The following RAB3GAP1 variants were observed in gnomAD, a reference collection of about 807,000 sequenced individuals.
RAB3GAP1 encodes rab3 GTPase-activating protein catalytic subunit.
Under a neutral mutation model 130.7 loss-of-function variants are expected in RAB3GAP1, and 86 were observed. That is an observed-to-expected ratio of 0.66 (90% CI 0.55 to 0.79). RAB3GAP1 has a LOEUF of 0.79. Among genes scored for constraint, RAB3GAP1 ranks in the 30% least tolerant of loss-of-function variants. The pLI, the probability that RAB3GAP1 is intolerant of heterozygous loss-of-function variation, is 0.00. For synonymous variants in RAB3GAP1, 367 were observed against 401.7 expected, an observed-to-expected ratio of 0.91 and a Z score of 1.03; for missense variants, 1,029 against 1,169.4, an observed-to-expected ratio of 0.88 and a Z score of 1.75.
chr2:135,112,712 T>G (rs1266809713), intron 5 of RAB3GAP1, among the ~76,000 whole-genome samples: 1 of 152,088 alleles, frequency 6.6e-6, no homozygotes, highest in Non-Finnish European at 1.5e-5. Context: ...ACATCAATAT[T>G]ACAGTGGTCT....
intron 3 of RAB3GAP1, among the ~76,000 whole-genome samples, chr2:135,083,907 C>T (rs1413451511): frequency 6.6e-6 from 1 of 151,012 alleles, no homozygotes; most frequent in African/African-American, 2.4e-5. Flanking sequence ...TGTTAGTATA[C>T]CTTTTTTAGA....
Position 135,124,148 on chromosome 2 carries a change from A to T in RAB3GAP1, c.749-17A>T. 1 of 1,608,894 alleles carries T rather than the reference A, an allele frequency of 6.2e-7. No individual in the cohort carries two copies. Among genetic ancestry groups the T allele is most frequent in the Non-Finnish European group, 8.5e-7 (1 of 1,175,224 alleles). ...TTATTTTTTCCCAAATGATGGAAAA[A>T]TATTTCTTTTGTTTAGACATAGATG... On this transcript the variant is annotated splice_polypyrimidine_tract_variant and intron_variant, in intron 8 of 23. Coordinates refer to ENST00000264158, the MANE Select transcript of RAB3GAP1 (RefSeq NM_012233.3).
At chr2:135,172,987 G>A (rs190293400), downstream of RAB3GAP1, among the ~76,000 whole-genome samples, 27 of 152,218 alleles carry the variant, frequency 1.8e-4, no homozygotes, top group Admixed American at 3.3e-4. Flanking sequence ...GGAATGGAAG[G>A]TCCCTGCCAA....
At chr2:135,107,733 A>T (rs909798801) in intron 5 of RAB3GAP1, among the ~76,000 whole-genome samples, 2 of 152,136 alleles carry the variant, frequency 1.3e-5, no homozygotes, top group African/African-American at 2.4e-5. Flanking sequence ...CACGCCTGTA[A>T]TCCCAGCACT....
In RAB3GAP1 at chr2:135,159,144, T is replaced by A. The variant is rs1692397221; in HGVS notation, c.2290-3411T>A. Among the ~76,000 whole-genome samples the A allele has an allele frequency of 2.0e-5, 3 of 152,170 alleles. No homozygotes were observed. In the South Asian group the frequency reaches 6.2e-4, roughly 32 times the overall value. Reference sequence around the variant, plus strand: ...ATAAATAATTGATTGGATATATAAATTAATGGGATAGAAGGGACAAATCCC... The same window carrying A: ...ATAAATAATTGATTGGATATATAAAATAATGGGATAGAAGGGACAAATCCC... On this transcript the variant is annotated intron_variant, in intron 19 of 23. Coordinates refer to ENST00000264158, the MANE Select transcript of RAB3GAP1 (RefSeq NM_012233.3).
At chr2:135,111,584 T>C (rs1386267717) in intron 5 of RAB3GAP1, among the ~76,000 whole-genome samples, 2 of 152,218 alleles carry the variant, frequency 1.3e-5, no homozygotes, top group African/African-American at 4.8e-5. Flanking sequence ...AGAAAGGACA[T>C]ATACATCATT....
chr2:135,093,845 C>G (rs1690218210), intron 5 of RAB3GAP1, 152 bp downstream of exon 5: 1 of 718,636 alleles, frequency 1.4e-6, no homozygotes, highest in Non-Finnish European at 2.5e-6. Flanking sequence ...AGGGCAAAAT[C>G]TGCAAAGGGA....
chr2:135,125,913 T>C (rs1691335409), intron 9 of RAB3GAP1, among the ~76,000 whole-genome samples: 1 of 152,236 alleles, frequency 6.6e-6, no homozygotes, highest in Non-Finnish European at 1.5e-5. Flanking sequence ...TATACCATTG[T>C]ATGGATATGC....
At chr2:135,074,229 G>A (rs1005254480) in intron 3 of RAB3GAP1, among the ~76,000 whole-genome samples, 1 of 152,060 alleles carries the variant, frequency 6.6e-6, no homozygotes, top group Non-Finnish European at 1.5e-5. Context: ...GTGAGAAAGA[G>A]GGGGGTCTGA....
At chr2:135,140,131 T>TTATGGG (rs1558795993) in intron 17 of RAB3GAP1, among the ~76,000 whole-genome samples, 1 of 152,228 alleles carries the variant, frequency 6.6e-6, no homozygotes. Context: ...CACAATTTGT[T>TTATGGG]TATCCATTCA....
chr2:135,140,638 ATGT>A (rs1033685265), intron 17 of RAB3GAP1, among the ~76,000 whole-genome samples: 1 of 152,190 alleles, frequency 6.6e-6, no homozygotes, highest in African/African-American at 2.4e-5. Flanking sequence ...CATGTGTGAA[ATGT>A]TGTCTTCCCT....
chr2:135,158,525 T>G (rs143908526), intron 19 of RAB3GAP1, among the ~76,000 whole-genome samples: 2 of 152,256 alleles, frequency 1.3e-5, no homozygotes, highest in East Asian at 3.9e-4. Context: ...ATATTGATAA[T>G]TAATGGATAA....
chr2:135,138,094 T>A (rs1012725857), intron 17 of RAB3GAP1, among the ~76,000 whole-genome samples: 2 of 152,054 alleles, frequency 1.3e-5, no homozygotes, highest in Non-Finnish European at 2.9e-5. Flanking sequence ...CCCAAAGTGC[T>A]AGGATTACAG....
At chr2:135,058,856 A>C (rs1475705907) in intron 3 of RAB3GAP1, 2 of 152,154 alleles carry the variant, frequency 1.3e-5, no homozygotes, top group Non-Finnish European at 2.9e-5. Flanking sequence ...TTACAACTCA[A>C]TATTACTAAC....
chr2:135,104,748 G>C (rs1427056222), intron 5 of RAB3GAP1, among the ~76,000 whole-genome samples: 1 of 150,636 alleles, frequency 6.6e-6, no homozygotes, highest in African/African-American at 2.5e-5. Context: ...AATTAGCTGG[G>C]TGTGGTGGTA....
chr2:135,117,914 G>A (rs959908887), intron 7 of RAB3GAP1, among the ~76,000 whole-genome samples: 3 of 151,500 alleles, frequency 2.0e-5, no homozygotes, highest in East Asian at 1.9e-4. Flanking sequence ...AGTGTAGGGC[G>A]TGATTACAGC....
intron 3 of RAB3GAP1, among the ~76,000 whole-genome samples, chr2:135,085,225 G>T (rs1254176522): frequency 6.6e-6 from 1 of 152,046 alleles, no homozygotes; most frequent in Non-Finnish European, 1.5e-5. Flanking sequence ...TTCTAATTAT[G>T]TTACATTTTT....
chr2:135,124,120 T>C (rs1212179115), intron 8 of RAB3GAP1, 45 bp from the exon 9 acceptor site: 2 of 1,550,792 alleles, frequency 1.3e-6, no homozygotes, highest in Admixed American at 1.7e-5. Context: ...ATTAGACTCT[T>C]CTTTATTTTT....
intron 17 of RAB3GAP1, among the ~76,000 whole-genome samples, chr2:135,144,014 G>A (rs1321024918): frequency 6.6e-6 from 1 of 152,182 alleles, no homozygotes; most frequent in Non-Finnish European, 1.5e-5. Flanking sequence ...GGGGCCCTCT[G>A]TGGCTGGCAA....
Sources: allele counts gnomAD v4.1 joint callset (sites outside exome capture counted in the v4.1 genomes callset), GRCh38; gene constraint gnomAD v4.1.1; transcripts MANE v1.5; gene names NCBI Gene and HGNC (gene_info 2026-07-23, HGNC 2026-07-21).